Variants in CD226 observed in about 807,000 individuals in gnomAD.
CD226 encodes the protein CD226 molecule.
Under a neutral mutation model 34.9 loss-of-function variants are expected in CD226, and 24 were observed. That is an observed-to-expected ratio of 0.69 (90% confidence interval 0.50 to 0.97). CD226 has a LOEUF of 0.97. Ranked by LOEUF, CD226 falls within the 50% of genes least tolerant of loss-of-function variation. CD226 has a pLI of 0.00. For synonymous variants in CD226, 148 were observed against 147.4 expected (o/e 1.00, Z -0.03); for missense variants, 397 against 412.7 (o/e 0.96, Z 0.33).
intron 5 of CD226, among the ~76,000 whole-genome samples, chr18:69,865,981 G>A (rs1983116656): frequency 6.6e-6 from 1 of 151,546 alleles, no homozygotes; most frequent in Non-Finnish European, 1.5e-5. Flanking sequence ...CTGGAGGCTG[G>A]GAAGTCCAAG....
rs927637617 is a variant in CD226 at position 69,863,079 on chromosome 18, G to A, written c.*1235C>T. On this transcript the variant is annotated 3_prime_UTR_variant, in exon 6 of 6. Transcript: ENST00000582621. Reference sequence around the variant, plus strand: ...GCTTTGACTGTTGGTGATGTCATTAGGGCTGTCTTTGTCTGAATAGTGAAG... The same window carrying A: ...GCTTTGACTGTTGGTGATGTCATTAAGGCTGTCTTTGTCTGAATAGTGAAG... 8 of 152,082 alleles carry A rather than the reference G, an allele frequency of 5.3e-5. No individual in the cohort carries two copies. The highest frequency in any genetic ancestry group is 1.4e-4 in the African/African-American group (6 of 41,412). 9.4% of individuals were successfully genotyped at this position (152,082 alleles called of 1,614,324 possible).
chr18:69,924,977 A>G (rs1160550039), intron 2 of CD226, among the ~76,000 whole-genome samples: 1 of 152,232 alleles, frequency 6.6e-6, no homozygotes, highest in Non-Finnish European at 1.5e-5. Context: ...TGATTAGAGA[A>G]TTCCTGAATT....
intron 2 of CD226, among the ~76,000 whole-genome samples, chr18:69,910,627 T>C (rs80313650): frequency 0.043 from 6,473 of 152,166 alleles, 489 homozygotes; most frequent in African/African-American, 0.15. Flanking sequence ...GGACAAAACA[T>C]AATCACTTTG....
intron 2 of CD226, among the ~76,000 whole-genome samples, chr18:69,903,748 T>C (rs1045597652): frequency 1.3e-5 from 2 of 152,130 alleles, no homozygotes; most frequent in African/African-American, 4.8e-5. Context: ...TGCCAGAAAT[T>C]GCCAGAAGCT....
Position 69,868,805 on chromosome 18 carries a change from A to ACACG in CD226, c.831-1395_831-1394insCGTG, listed in dbSNP as rs199758981. ...CATGCGCACACGTGCGCGTGCACGCACACACACACACACACACACAGACAC... is the reference window on the plus strand; with the variant it reads ...CATGCGCACACGTGCGCGTGCACGCACACGCACACACACACACACACACAGACAC... On this transcript the variant is annotated intron_variant, in intron 4 of 5. Transcript: ENST00000582621. Among the ~76,000 whole-genome samples, 88 of 139,410 alleles carry ACACG rather than the reference A, an allele frequency of 6.3e-4. 1 individual carries two copies. The East Asian group carries it at 0.016, about 25-fold the overall frequency. 91.5% of individuals were successfully genotyped at this position (139,410 alleles called of 152,430 possible).
chr18:69,868,826 G>C (rs62090792), intron 4 of CD226, among the ~76,000 whole-genome samples: 19 of 82,260 alleles, frequency 2.3e-4, no homozygotes, highest in Admixed American at 4.0e-4. Context: ...CACACACACA[G>C]ACACACACAT....
chr18:69,880,634 G>A (rs1984195238), intron 3 of CD226, among the ~76,000 whole-genome samples: 1 of 149,158 alleles, frequency 6.7e-6, no homozygotes, highest in Non-Finnish European at 1.5e-5. Flanking sequence ...ATACACGAGG[G>A]GAATAAGTCT....
chr18:69,914,518 G>A (rs1456412818), intron 2 of CD226, among the ~76,000 whole-genome samples: 1 of 152,170 alleles, frequency 6.6e-6, no homozygotes, highest in East Asian at 1.9e-4. Context: ...TTTGTGCCAA[G>A]TCCTATATAT....
chr18:69,947,146 C>G, intron 1 of CD226, 77 bp from the exon 2 acceptor site: 1 of 1,238,362 alleles, frequency 8.1e-7, no homozygotes, highest in East Asian at 2.3e-5. Flanking sequence ...CTTTTGAAGA[C>G]CTAGTGCATT....
Position 69,880,382 on chromosome 18 carries a change from G to A in CD226, c.728-7136C>T, listed in dbSNP as rs118181772. 7.1e-3 allele frequency among the ~76,000 whole-genome samples: 800 copies of A among 113,046 alleles called. 31 individuals are homozygous for A. The East Asian group carries it at 0.096, about 14-fold the overall frequency. The allele number at this position is 113,046 out of a possible 152,430, so 74.2% of individuals were successfully genotyped here. ...AAAGGAAGGAAGGAAGGAAGGAAGG[G>A]GAAAGAAAGAAAGAAGGAGGGAAGG... On this transcript the variant is annotated intron_variant, in intron 3 of 5. Transcript: ENST00000582621.
intron 2 of CD226, among the ~76,000 whole-genome samples, chr18:69,903,676 C>A (rs1225077618): frequency 6.6e-6 from 1 of 151,908 alleles, no homozygotes; most frequent in Non-Finnish European, 1.5e-5. Flanking sequence ...AAGCAGAACG[C>A]CATGTGAAGA....
At position 69,859,130 on chromosome 18, in the gene CD226, T is replaced by A. The variant is rs181164228; in HGVS notation, c.*5184A>T. The A allele has an allele frequency of 8.1e-4, 123 of 152,202 alleles. No homozygotes were observed. The highest frequency in any genetic ancestry group is 2.8e-3 in the African/African-American group (115 of 41,528). 9.4% of individuals were successfully genotyped at this position (152,202 alleles called of 1,614,324 possible). A position where few individuals can be genotyped will look rare whatever the true frequency, so the allele number is the denominator to read the frequency against. ...ACATGTCCTTTTGTTCTGGAAAATG[T>A]TTTAGAGTGGATTCTAGGTTTCATG... is the stretch of plus-strand genomic sequence containing the variant. On this transcript the variant is annotated 3_prime_UTR_variant, in exon 6 of 6. Transcript: ENST00000582621.
At chr18:69,892,151 G>A (rs1174718064) in intron 3 of CD226, among the ~76,000 whole-genome samples, 1 of 152,170 alleles carries the variant, frequency 6.6e-6, no homozygotes, top group Non-Finnish European at 1.5e-5. Flanking sequence ...ACAAGGACAT[G>A]AGTAATTATA....
In CD226 at chr18:69,879,476, G is replaced by A. The variant is rs1199414165; in HGVS notation, c.728-6230C>T. On this transcript the variant is annotated intron_variant, in intron 3 of 5. Coordinates refer to ENST00000582621, the MANE Select transcript of CD226 (RefSeq NM_001303618.2). ...AGCGATATTTCTCTTACCCATTTTC[G>A]ATAATAAGAGAAATATGGCTCTGTC... is the stretch of plus-strand genomic sequence containing the variant. Among the ~76,000 whole-genome samples the A allele has an allele frequency of 2.6e-5, 4 of 151,924 alleles. No homozygotes were observed. In the East Asian group the frequency reaches 5.8e-4, roughly 22 times the overall value.
intron 2 of CD226, among the ~76,000 whole-genome samples, chr18:69,911,986 A>G (rs964894436): frequency 2.6e-5 from 4 of 152,116 alleles, no homozygotes; most frequent in Non-Finnish European, 4.4e-5. Flanking sequence ...ATTTTCTTAT[A>G]TCTATTCAAA....
chr18:69,879,189 A>G (rs1984062114), intron 3 of CD226, among the ~76,000 whole-genome samples: 1 of 152,172 alleles, frequency 6.6e-6, no homozygotes, highest in Non-Finnish European at 1.5e-5. Flanking sequence ...AGTTTCAGGA[A>G]CACACTGTCA....
chr18:69,940,931 G>A (rs73464783), intron 2 of CD226, among the ~76,000 whole-genome samples: 9,256 of 152,190 alleles, frequency 0.061, 538 homozygotes, highest in African/African-American at 0.15. Context: ...CCTGGGCCAA[G>A]CCTAAGACCC....
At chr18:69,920,252 A>C (rs2055435185) in intron 2 of CD226, among the ~76,000 whole-genome samples, 1 of 152,222 alleles carries the variant, frequency 6.6e-6, no homozygotes. Flanking sequence ...TTTCCTGGGG[A>C]AGATATTACA....
At chr18:69,961,537 A>G (rs572207147), upstream of CD226, 1 of 152,312 alleles carries the variant, frequency 6.6e-6, no homozygotes, top group South Asian at 2.1e-4. Context: ...TAAGCAATGG[A>G]TGAACTGCTG....
Sources: allele counts gnomAD v4.1 joint callset (sites outside exome capture counted in the v4.1 genomes callset), GRCh38; gene constraint gnomAD v4.1.1; transcripts MANE v1.5; gene names NCBI Gene and HGNC (gene_info 2026-07-23, HGNC 2026-07-21).